OCA2: variants seen among roughly 807,000 people sequenced by gnomAD.
The protein encoded by OCA2 is OCA2 melanosomal transmembrane protein.
A neutral mutation model predicts 100.2 loss-of-function variants in OCA2; 77 were observed. That is an observed-to-expected ratio of 0.77 (90% CI 0.64 to 0.93). The LOEUF (loss-of-function observed/expected upper bound fraction) is 0.93, where lower values mean the gene tolerates loss of function less well. Ranked by LOEUF, OCA2 falls within the 40% of genes least tolerant of loss-of-function variation. The probability of loss-of-function intolerance (pLI) is 0.00; values close to 1 mark genes in which losing one functional copy is unlikely to be tolerated. For synonymous variants in OCA2, 432 were observed against 439.2 expected (o/e 0.98, Z 0.21); for missense variants, 1,062 against 1,089.1 (o/e 0.98, Z 0.35).
intron 2 of OCA2, among the ~76,000 whole-genome samples, chr15:28,044,325 G>A (rs1013863713): frequency 2.0e-5 from 3 of 152,146 alleles, no homozygotes; most frequent in Non-Finnish European, 4.4e-5. Flanking sequence ...ATGTTCCTAG[G>A]TAGACTCTGC....
intron 15 of OCA2, among the ~76,000 whole-genome samples, chr15:27,960,610 A>ATCTATCTG (rs2040376191): frequency 6.6e-6 from 1 of 152,032 alleles, no homozygotes; most frequent in African/African-American, 2.4e-5. Context: ...CTATCTATCT[A>ATCTATCTG]TCTATCTATG....
Position 27,804,932 on chromosome 15 carries a change from C to T in OCA2, c.2432+40027G>A, listed in dbSNP as rs118185550. ...CCGGGCAGACACAAGCTCTGGGCTC[C>T]GTTCTCCTCCCACTATGGCAGACCC... On this transcript the variant is annotated intron_variant, in intron 23 of 23. Coordinates refer to ENST00000354638, the MANE Select transcript of OCA2 (RefSeq NM_000275.3). Among the ~76,000 whole-genome samples the T allele has an allele frequency of 5.3e-3, 802 of 152,350 alleles. 27 individuals are homozygous for T. The highest frequency in any genetic ancestry group is 1.6e-3 in the Non-Finnish European group (109 of 68,030).
In OCA2 at chr15:27,957,461, G is replaced by T; in HGVS notation, c.1784+127C>A. On this transcript the variant is annotated intron_variant, in intron 16 of 23. Transcript: ENST00000354638. This position sits in a 1 kb window ranked among gnomAD's most constrained non-coding sequence, Gnocchi z 4.3. Reference sequence around the variant, plus strand: ...GAGGGTTAGATAAAATGTACTATAAGAGGCTTAGCACAGTGTGCGTCACCT... The same window carrying T: ...GAGGGTTAGATAAAATGTACTATAATAGGCTTAGCACAGTGTGCGTCACCT... The T allele has an allele frequency of 8.9e-7, 1 of 1,129,514 alleles. No individual in the cohort carries two copies. The highest frequency in any genetic ancestry group is 1.3e-6 in the Non-Finnish European group (1 of 756,552). 70.0% of individuals were successfully genotyped at this position (1,129,514 alleles called of 1,614,324 possible). A position where few individuals can be genotyped will look rare whatever the true frequency, so the allele number is the denominator to read the frequency against.
chr15:28,037,995 T>C (rs1182539472), intron 2 of OCA2, among the ~76,000 whole-genome samples: 1 of 152,214 alleles, frequency 6.6e-6, no homozygotes, highest in Non-Finnish European at 1.5e-5. Flanking sequence ...GTTTCACCTG[T>C]CTGTTTCTTT....
intron 22 of OCA2, among the ~76,000 whole-genome samples, chr15:27,850,039 A>G (rs1237720505): frequency 1.3e-5 from 2 of 152,202 alleles, no homozygotes; most frequent in Non-Finnish European, 2.9e-5. Flanking sequence ...TGCTCAGTTA[A>G]TAAGTGTCTA....
intron 19 of OCA2, among the ~76,000 whole-genome samples, chr15:27,901,782 T>TAG (rs2037946317): frequency 6.6e-6 from 1 of 152,208 alleles, no homozygotes; most frequent in Non-Finnish European, 1.5e-5. Flanking sequence ...TACATGCACA[T>TAG]GTAAGTCCCC....
At chr15:28,094,834 G>A (rs947133402) in intron 1 of OCA2, among the ~76,000 whole-genome samples, 1 of 152,202 alleles carries the variant, frequency 6.6e-6, no homozygotes, top group Non-Finnish European at 1.5e-5. Flanking sequence ...AAGCCTGCCC[G>A]AGCCCCGCCT....
At chr15:27,752,625 TC>T (rs1203035882), downstream of OCA2, among the ~76,000 whole-genome samples, 1 of 152,070 alleles carries the variant, frequency 6.6e-6, no homozygotes, top group Non-Finnish European at 1.5e-5. Flanking sequence ...GCTAGCTCAG[TC>T]CACGTACAGA....
chr15:28,074,598 C>G (rs758043131), intron 2 of OCA2, among the ~76,000 whole-genome samples: 2 of 148,964 alleles, frequency 1.3e-5, no homozygotes, highest in Non-Finnish European at 3.0e-5. Context: ...GGCGTGAACC[C>G]GGGAAGCGGA....
chr15:27,883,676 G>A (rs2037113627), intron 19 of OCA2, among the ~76,000 whole-genome samples: 1 of 150,662 alleles, frequency 6.6e-6, no homozygotes, highest in Non-Finnish European at 1.5e-5. Flanking sequence ...CAGTCTCCAT[G>A]ACCATCAGGT....
chr15:28,053,981 G>C (rs1378244757), intron 2 of OCA2, among the ~76,000 whole-genome samples: 3 of 152,144 alleles, frequency 2.0e-5, no homozygotes, highest in African/African-American at 7.2e-5. Context: ...ACAGAAGATA[G>C]AAATCGCTAT....
At chr15:27,864,708 C>T (rs1295962659) in intron 21 of OCA2, among the ~76,000 whole-genome samples, 1 of 152,082 alleles carries the variant, frequency 6.6e-6, no homozygotes, top group Non-Finnish European at 1.5e-5. Flanking sequence ...AATTACCAGC[C>T]TTTGAATTCA....
At chr15:27,751,416 T>G (rs1038414492), downstream of OCA2, among the ~76,000 whole-genome samples, 4 of 152,212 alleles carry the variant, frequency 2.6e-5, no homozygotes, top group African/African-American at 9.6e-5. Context: ...ATCCTGATGG[T>G]AATTTTAGGA....
At chr15:27,920,396 G>T (rs1487295351) in intron 19 of OCA2, among the ~76,000 whole-genome samples, 1 of 152,108 alleles carries the variant, frequency 6.6e-6, no homozygotes, top group Non-Finnish European at 1.5e-5. Flanking sequence ...ATTTTATTAT[G>T]ATTTCATATA....
chr15:27,853,153 G>A (rs2035823179), intron 21 of OCA2, among the ~76,000 whole-genome samples: 2 of 102,528 alleles, frequency 2.0e-5, no homozygotes, highest in Non-Finnish European at 3.8e-5. Flanking sequence ...ATTCACAATA[G>A]CAAAGACTTG....
intron 14 of OCA2, among the ~76,000 whole-genome samples, chr15:27,967,123 C>T (rs560057790): frequency 1.3e-4 from 20 of 152,088 alleles, no homozygotes; most frequent in Middle Eastern, 3.4e-3. Context: ...GAGCGAGACT[C>T]CGTCTCAAAA....
intron 19 of OCA2, among the ~76,000 whole-genome samples, chr15:27,892,539 C>T (rs1567069574): frequency 6.6e-6 from 1 of 151,632 alleles, no homozygotes; most frequent in Non-Finnish European, 1.5e-5. Context: ...CACATAGAAA[C>T]ATATAGGGTG....
chr15:27,918,187 G>A (rs766476681), intron 19 of OCA2, among the ~76,000 whole-genome samples: 1 of 147,838 alleles, frequency 6.8e-6, no homozygotes, highest in South Asian at 2.1e-4. Flanking sequence ...TCCACCTCCT[G>A]GATTCAAGTG....
At chr15:27,796,499 G>A (rs2033341821) in intron 23 of OCA2, among the ~76,000 whole-genome samples, 1 of 152,216 alleles carries the variant, frequency 6.6e-6, no homozygotes, top group Admixed American at 6.5e-5. Flanking sequence ...GTGTCCGCCA[G>A]AGAGTGTAAT....
Sources: gnomAD v4.1 joint callset for allele counts (sites outside exome capture counted in the v4.1 genomes callset) on GRCh38, gnomAD v4.1.1 for gene constraint, Gnocchi (gnomAD v3.1) non-coding constraint, MANE v1.5 for transcripts, NCBI Gene and HGNC (gene_info 2026-07-23, HGNC 2026-07-21) for gene names.